Variants in HDHD5 observed in about 807,000 individuals in gnomAD.
The protein encoded by HDHD5 is haloacid dehalogenase-like hydrolase domain-containing 5.
HDHD5 carries 34 observed loss-of-function variants against 35.5 expected under a neutral mutation model. The ratio of observed to expected loss-of-function variants is 0.96; its 90% CI spans 0.73 to 1.28. The LOEUF (loss-of-function observed/expected upper bound fraction) is 1.28. Ranked by LOEUF, HDHD5 falls within the 50% of genes most tolerant of loss-of-function variation. HDHD5 has a pLI of 0.00. For synonymous variants in HDHD5, 248 were observed against 240.6 expected, an observed-to-expected ratio of 1.03 and a Z score of -0.29; for missense variants, 589 against 560.2, an observed-to-expected ratio of 1.05 and a Z score of -0.52.
chr22:17,164,833 C>T (rs957094435), intron 1 of HDHD5, among the ~76,000 whole-genome samples: 2 of 152,188 alleles, frequency 1.3e-5, no homozygotes, highest in Admixed American at 1.3e-4. Context: ...TATCCTACCT[C>T]ACACCAGTAG....
upstream of HDHD5, among the ~76,000 whole-genome samples, chr22:17,162,232 C>CA (rs900372774): frequency 6.6e-6 from 1 of 152,192 alleles, no homozygotes; most frequent in Non-Finnish European, 1.5e-5. Flanking sequence ...CCTCATGAAC[C>CA]ACCCTGAGGC....
At chr22:17,139,845 C>T (rs1186182423) in intron 6 of HDHD5, among the ~76,000 whole-genome samples, 1 of 152,246 alleles carries the variant, frequency 6.6e-6, no homozygotes, top group East Asian at 1.9e-4. Flanking sequence ...GTTGGGATTA[C>T]AAGCATGAGC....
intron 1 of HDHD5, among the ~76,000 whole-genome samples, chr22:17,153,086 C>T (rs1239062289): frequency 6.6e-6 from 1 of 152,234 alleles, no homozygotes; most frequent in South Asian, 2.1e-4. Context: ...GTGCCTCTAA[C>T]CCTTGGCTTC....
chr22:17,152,966 G>A (rs1445770768), intron 1 of HDHD5, among the ~76,000 whole-genome samples: 2 of 152,040 alleles, frequency 1.3e-5, no homozygotes, highest in East Asian at 3.9e-4. Flanking sequence ...TGGAAAAACA[G>A]GAGGAAGCAA....
chr22:17,163,818 C>T (rs890224096), upstream of HDHD5, among the ~76,000 whole-genome samples: 2 of 152,196 alleles, frequency 1.3e-5, no homozygotes, highest in African/African-American at 4.8e-5. Flanking sequence ...CGTGTACAAG[C>T]TCGATGCCCT....
intron 1 of HDHD5, among the ~76,000 whole-genome samples, chr22:17,152,748 G>A (rs111971703): frequency 2.6e-5 from 4 of 152,234 alleles, no homozygotes; most frequent in African/African-American, 7.2e-5. Context: ...AACCAAGAGC[G>A]TGTGGGGTCC....
upstream of HDHD5, among the ~76,000 whole-genome samples, chr22:17,160,105 T>G (rs1480643205): frequency 5.3e-5 from 8 of 152,190 alleles, no homozygotes; most frequent in Non-Finnish European, 1.2e-4. Context: ...TAGGATGCCC[T>G]CAGATTCTTT....
intron 1 of HDHD5, among the ~76,000 whole-genome samples, chr22:17,155,742 C>T (rs1282815246): frequency 6.6e-6 from 1 of 152,104 alleles, no homozygotes; most frequent in Non-Finnish European, 1.5e-5. Context: ...AACAAATGTA[C>T]CACACTAATG....
upstream of HDHD5, chr22:17,159,559 T>C (rs1329076810): frequency 2.3e-6 from 1 of 440,546 alleles, no homozygotes; most frequent in Non-Finnish European, 4.5e-6. Context: ...CCGGTAACAT[T>C]GCGCGGCAGG....
chr22:17,141,587 C>G lies in HDHD5; in HGVS notation c.572-354G>C, dbSNP rs141889588. On this transcript the variant is annotated intron_variant, in intron 5 of 7. Transcript: ENST00000336737. The stretch of plus-strand genomic sequence containing the variant: ...ACATGACTTAGCAAGGGCTCCTGTT[C>G]CCTCAGTCGCTTCTCTCTGAGCCCC... 232 of 1,083,466 alleles carry G rather than the reference C, an allele frequency of 2.1e-4. No homozygotes were observed. The African/African-American group carries it at 3.6e-3, about 17-fold the overall frequency. The allele number at this position is 1,083,466 out of a possible 1,614,324, so 67.1% of individuals were successfully genotyped here. A position where few individuals can be genotyped will look rare whatever the true frequency, so the allele number is the denominator to read the frequency against.
intron 1 of HDHD5, among the ~76,000 whole-genome samples, chr22:17,153,153 T>C (rs1418832437): frequency 6.6e-6 from 1 of 152,174 alleles, no homozygotes; most frequent in Non-Finnish European, 1.5e-5. Context: ...CAGCCAGACA[T>C]GTAACAAAGG....
At chr22:17,145,155 G>A (rs1014125329) in intron 3 of HDHD5, 38 bp from the exon 4 acceptor site, 2 of 1,612,456 alleles carry the variant, frequency 1.2e-6, no homozygotes, top group Admixed American at 3.3e-5. Context: ...GACAGTTCTT[G>A]GGGAAGATGC....
chr22:17,156,079 G>A (rs1392680404), intron 1 of HDHD5, among the ~76,000 whole-genome samples: 1 of 152,074 alleles, frequency 6.6e-6, no homozygotes, highest in East Asian at 1.9e-4. Context: ...AACCACAATG[G>A]ACATATTTCT....
At chr22:17,141,557 C>T (rs1369178744) in intron 5 of HDHD5, 1 of 1,151,970 alleles carries the variant, frequency 8.7e-7, no homozygotes, top group African/African-American at 1.6e-5. Flanking sequence ...ACCACATTCT[C>T]CCTCACATGA....
At chr22:17,162,758 GT>G (rs372985520), upstream of HDHD5, among the ~76,000 whole-genome samples, 21 of 152,340 alleles carry the variant, frequency 1.4e-4, no homozygotes, top group East Asian at 2.9e-3. Context: ...ATGTTAAAGA[GT>G]TTGCACTTCC....
chr22:17,140,568 G>C (rs116742752), intron 6 of HDHD5, among the ~76,000 whole-genome samples: 1 of 152,082 alleles, frequency 6.6e-6, no homozygotes, highest in Non-Finnish European at 1.5e-5. Context: ...CTGGATGAGA[G>C]AGTGAGACAC....
At chr22:17,145,377 TG>T (rs2061650519) in intron 3 of HDHD5, among the ~76,000 whole-genome samples, 1 of 152,200 alleles carries the variant, frequency 6.6e-6, no homozygotes, top group Admixed American at 6.5e-5. Flanking sequence ...GGTCCTATGC[TG>T]GGCACAGCCT....
rs368034523 is a variant in HDHD5 at position 17,143,112 on chromosome 22, A to T, written c.557T>A (p.Phe186Tyr). Residue 186 changes from phenylalanine to tyrosine, a missense_variant, in exon 5 of 8, where the codon TTC (phenylalanine) becomes TAC (tyrosine). Phe to Tyr is a conservative substitution (Grantham distance 22). Transcript: ENST00000336737. ...ACCTCTCTTACCTTCAATGCGGGGGAAGTCATTCCTCGGGAGGGGCTGCAG... is the reference window on the plus strand; with the variant it reads ...ACCTCTCTTACCTTCAATGCGGGGGTAGTCATTCCTCGGGAGGGGCTGCAG... Reference protein sequence around the residue: ...LKTTPLPRNDFPRIEGVLLLG... With the variant: ...LKTTPLPRNDYPRIEGVLLLG... 86 of 1,609,758 alleles carry T rather than the reference A, an allele frequency of 5.3e-5. No individual in the cohort carries two copies. Among genetic ancestry groups the T allele is most frequent in the Non-Finnish European group, 7.0e-5 (82 of 1,178,392 alleles).
At chr22:17,141,037 G>A (rs766874097) in intron 6 of HDHD5, 22 bp downstream of exon 6, 3 of 1,559,836 alleles carry the variant, frequency 1.9e-6, no homozygotes, top group South Asian at 1.2e-5. Context: ...CCAGGCCAAG[G>A]CTGGGAGCTT....
Sources: gnomAD v4.1 joint callset for allele counts (sites outside exome capture counted in the v4.1 genomes callset) on GRCh38, gnomAD v4.1.1 for gene constraint, MANE v1.5 for transcripts, NCBI Gene and HGNC (gene_info 2026-07-23, HGNC 2026-07-21) for gene names.